The following KAZN variants were observed in gnomAD, a reference collection of about 807,000 sequenced individuals.
The protein encoded by KAZN is kazrin.
KAZN carries 40 observed loss-of-function variants against 87.4 expected under a neutral mutation model. That is an observed-to-expected ratio of 0.46 (90% CI 0.36 to 0.60). KAZN has a LOEUF of 0.60. KAZN is among the 20% of genes least tolerant of loss of function. The probability of loss-of-function intolerance (pLI) is 0.00; values close to 1 mark genes in which losing one functional copy is unlikely to be tolerated. For missense variants in KAZN, 898 were observed against 1,073.9 expected, an observed-to-expected ratio of 0.84 and a Z score of 2.29; for synonymous variants, 466 against 458.3, an observed-to-expected ratio of 1.02 and a Z score of -0.22.
intron 1 of KAZN, among the ~76,000 whole-genome samples, chr1:14,915,864 A>G (rs1007582642): frequency 6.6e-6 from 1 of 152,240 alleles, no homozygotes; most frequent in Non-Finnish European, 1.5e-5. Context: ...GTCAGTGCTC[A>G]GTAAATGACA....
intron 2 of KAZN, among the ~76,000 whole-genome samples, chr1:14,327,066 T>G (rs1414618513): frequency 1.3e-5 from 2 of 152,210 alleles, no homozygotes; most frequent in Non-Finnish European, 2.9e-5. Context: ...CTGGAACAGT[T>G]AGCACTTTGT....
chr1:14,344,987 C>T lies in KAZN; in HGVS notation c.249+164395C>T, dbSNP rs569646117. 6.7e-5 allele frequency among the ~76,000 whole-genome samples: 10 copies of T among 150,360 alleles called. No individual in the cohort carries two copies. The South Asian group carries it at 8.4e-4, about 13-fold the overall frequency. On this transcript the variant is annotated intron_variant, in intron 2 of 16. Coordinates refer to the KAZN transcript ENST00000636203. ...AGGCTAGAGTGCAGTGGCGTGATCTCGGCTCACTGCAACCTCCGCCTCCAG... is the reference window on the plus strand; with the variant it reads ...AGGCTAGAGTGCAGTGGCGTGATCTTGGCTCACTGCAACCTCCGCCTCCAG...
intron 2 of KAZN, among the ~76,000 whole-genome samples, chr1:14,487,067 A>G (rs1436629562): frequency 6.6e-6 from 1 of 152,206 alleles, no homozygotes; most frequent in Non-Finnish European, 1.5e-5. Flanking sequence ...GCTAACAGCT[A>G]CAGTGGTGAG....
Position 14,822,060 on chromosome 1 carries a change from AATG to A in KAZN, c.227-138621_227-138619del, listed in dbSNP as rs200788852. On this transcript the variant is annotated intron_variant, in intron 1 of 14. Coordinates refer to ENST00000376030, the MANE Select transcript of KAZN (RefSeq NM_201628.3). ...GTTTGTTTGTTTGTTTTTTTGGATT[AATG>A]ATTTTTCTCCTGGAGTTTCCTGGTT... Among the ~76,000 whole-genome samples the A allele has an allele frequency of 2.9e-3, 445 of 152,228 alleles. 2 individuals carry two copies. The highest frequency in any genetic ancestry group is 9.9e-3 in the African/African-American group (412 of 41,548).
intron 1 of KAZN, among the ~76,000 whole-genome samples, chr1:14,088,426 A>G (rs1643901619): frequency 6.6e-6 from 1 of 151,960 alleles, no homozygotes; most frequent in South Asian, 2.1e-4. Context: ...TAATTTTCAA[A>G]TATTTGAAGA....
At chr1:14,976,617 C>G (rs10927607) in intron 2 of KAZN, among the ~76,000 whole-genome samples, 28,465 of 152,146 alleles carry the variant, frequency 0.19, 2,981 homozygotes, top group African/African-American at 0.26. Context: ...CCAGAGGAGG[C>G]CGGGAGGGGC....
At chr1:14,484,805 T>C (rs1463274672) in intron 2 of KAZN, among the ~76,000 whole-genome samples, 1 of 152,218 alleles carries the variant, frequency 6.6e-6, no homozygotes, top group African/African-American at 2.4e-5. Flanking sequence ...AGCTTTGCTC[T>C]GGGGTCTCAT....
rs561365858 is a variant in KAZN, at chr1:14,680,999, C to T, written c.226+81776C>T. Among the ~76,000 whole-genome samples the T allele has an allele frequency of 2.6e-5, 4 of 152,234 alleles. No homozygotes were observed. In the South Asian group the frequency reaches 8.3e-4, roughly 32 times the overall value. ...GCAGAAGATGTAGAGGGAACAGGCA[C>T]GTTACAGGCAAAAGGAAGAGCAAGA... On this transcript the variant is annotated intron_variant, in intron 1 of 14. Coordinates refer to ENST00000376030, the MANE Select transcript of KAZN (RefSeq NM_201628.3).
At chr1:14,325,605 A>G (rs1473359869) in intron 2 of KAZN, among the ~76,000 whole-genome samples, 3 of 152,226 alleles carry the variant, frequency 2.0e-5, no homozygotes, top group Admixed American at 6.5e-5. Context: ...ATTTGGTAAA[A>G]TATACAAATC....
At chr1:14,674,745 A>T (rs1006992524) in intron 1 of KAZN, among the ~76,000 whole-genome samples, 3 of 152,156 alleles carry the variant, frequency 2.0e-5, no homozygotes, top group Non-Finnish European at 2.9e-5. Context: ...AAATCATTTT[A>T]TCTCCAGATG....
chr1:14,341,772 C>A (rs150049154), intron 2 of KAZN, among the ~76,000 whole-genome samples: 1 of 152,326 alleles, frequency 6.6e-6, no homozygotes, highest in East Asian at 1.9e-4. Flanking sequence ...TTAATACTCA[C>A]TACTTCCTGG....
chr1:14,310,409 A>G (rs575190121), intron 2 of KAZN, among the ~76,000 whole-genome samples: 37 of 152,336 alleles, frequency 2.4e-4, no homozygotes, highest in Middle Eastern at 3.4e-3. Context: ...AAACGAGTCC[A>G]CCACCTTCCT....
At chr1:14,298,969 G>A (rs775623195) in intron 2 of KAZN, among the ~76,000 whole-genome samples, 8 of 152,204 alleles carry the variant, frequency 5.3e-5, no homozygotes, top group Admixed American at 2.0e-4. Context: ...ATGAGCATAC[G>A]TAAACATGTG....
chr1:14,700,501 T>C (rs1452421551), intron 1 of KAZN, among the ~76,000 whole-genome samples: 1 of 151,400 alleles, frequency 6.6e-6, no homozygotes, highest in African/African-American at 2.4e-5. Flanking sequence ...GAGGCTGTGC[T>C]CACTGCTCCA....
At chr1:14,055,410 G>A (rs1213389074) in intron 1 of KAZN, among the ~76,000 whole-genome samples, 3 of 152,216 alleles carry the variant, frequency 2.0e-5, no homozygotes, top group African/African-American at 7.2e-5. Context: ...CATGATATAT[G>A]TGTTGGGAAG....
chr1:14,478,956 G>T (rs1003594651), intron 2 of KAZN, among the ~76,000 whole-genome samples: 2 of 152,186 alleles, frequency 1.3e-5, no homozygotes, highest in Non-Finnish European at 2.9e-5. Flanking sequence ...CAAGATACAG[G>T]TATATTATAA....
At chr1:14,650,851 G>A (rs779374947) in intron 1 of KAZN, among the ~76,000 whole-genome samples, 1 of 152,216 alleles carries the variant, frequency 6.6e-6, no homozygotes, top group African/African-American at 2.4e-5. Flanking sequence ...CCAAGGGCCT[G>A]ATGGGGTCCA....
At chr1:14,391,087 C>G (rs1331468299) in intron 2 of KAZN, among the ~76,000 whole-genome samples, 1 of 152,176 alleles carries the variant, frequency 6.6e-6, no homozygotes, top group Non-Finnish European at 1.5e-5. Context: ...TGAACATCAA[C>G]TGGGGTAGGA....
chr1:14,813,031 C>T (rs16850880), intron 1 of KAZN, among the ~76,000 whole-genome samples: 5,964 of 152,180 alleles, frequency 0.039, 167 homozygotes, highest in African/African-American at 0.077. Flanking sequence ...ACTACTTAGT[C>T]GGGTAGAAAG....
Sources: gnomAD v4.1 joint callset for allele counts (sites outside exome capture counted in the v4.1 genomes callset) on GRCh38, gnomAD v4.1.1 for gene constraint, MANE v1.5 for transcripts, NCBI Gene and HGNC (gene_info 2026-07-23, HGNC 2026-07-21) for gene names.